LRRFIP1: variants seen among roughly 807,000 people sequenced by gnomAD.
The protein encoded by LRRFIP1 is leucine-rich repeat flightless-interacting protein 1.
In LRRFIP1, 62 loss-of-function variants were observed where a neutral mutation model predicts 104.4. The ratio of observed to expected loss-of-function variants is 0.59; its 90% confidence interval spans 0.48 to 0.73. LRRFIP1 has a LOEUF of 0.73. Ranked by LOEUF, LRRFIP1 falls within the 30% of genes least tolerant of loss-of-function variation. The pLI, the probability that LRRFIP1 is intolerant of heterozygous loss-of-function variation, is 0.00. For synonymous variants in LRRFIP1, 300 were observed against 299.0 expected (o/e 1.00, Z -0.03); for missense variants, 796 against 824.5 (o/e 0.97, Z 0.42).
intron 1 of LRRFIP1, among the ~76,000 whole-genome samples, chr2:237,708,238 A>G (rs1188853008): frequency 1.3e-5 from 2 of 152,174 alleles, no homozygotes; most frequent in African/African-American, 4.8e-5. Flanking sequence ...TCGTTCCCTC[A>G]TATTTAAACT....
chr2:237,666,585 C>G (rs2089291476), intron 1 of LRRFIP1, among the ~76,000 whole-genome samples: 1 of 143,344 alleles, frequency 7.0e-6, no homozygotes, highest in Non-Finnish European at 1.6e-5. Flanking sequence ...TCATCTCTTC[C>G]TGGAGACAGG....
Position 237,703,311 on chromosome 2 carries a change from C to G in LRRFIP1, c.97-5233C>G, listed in dbSNP as rs1023940928. Among the ~76,000 whole-genome samples, 4 of 152,188 alleles carry G rather than the reference C, an allele frequency of 2.6e-5. No homozygotes were observed. Among genetic ancestry groups the G allele is most frequent in the African/African-American group, 4.8e-5 (2 of 41,434 alleles). On this transcript the variant is annotated intron_variant, in intron 1 of 23. Coordinates refer to ENST00000308482, the MANE Select transcript of LRRFIP1 (RefSeq NM_001137550.2). This position sits in a 1 kb window ranked among gnomAD's most constrained non-coding sequence, Gnocchi z 4.3. ...TTGATCCGCTGCAGCCCAGCCCGTT[C>G]CTGTCCCCATGCTGGAAGCAGCCTG... is the stretch of plus-strand genomic sequence containing the variant.
chr2:237,639,013 C>T (rs1480463844), intron 1 of LRRFIP1, among the ~76,000 whole-genome samples: 3 of 152,060 alleles, frequency 2.0e-5, no homozygotes, highest in Admixed American at 6.6e-5. Flanking sequence ...TTTTTTTATC[C>T]GAGAAAGAGG....
chr2:237,733,836 C>T lies in LRRFIP1; in HGVS notation c.489+18C>T, dbSNP rs2095125239. 1 of 1,613,764 alleles carries T rather than the reference C, an allele frequency of 6.2e-7. No homozygotes were observed. The highest frequency in any genetic ancestry group is 8.5e-7 in the Non-Finnish European group (1 of 1,179,696). ...GTTACCGGGTGCGTGTGCTGCCCACCCTGCTGCCCCGCACCCCCTCCCACT... is the reference window on the plus strand; with the variant it reads ...GTTACCGGGTGCGTGTGCTGCCCACTCTGCTGCCCCGCACCCCCTCCCACT... On this transcript the variant is annotated intron_variant, in intron 9 of 23. Transcript: ENST00000308482.
rs754666682 is a variant in LRRFIP1 at position 237,749,218 on chromosome 2, G to C, written c.689G>C (p.Gly230Ala). The C allele has an allele frequency of 9.5e-5, 154 of 1,613,358 alleles. No individual in the cohort carries two copies. Among genetic ancestry groups the C allele is most frequent in the Non-Finnish European group, 1.2e-4 (146 of 1,179,958 alleles). ...FTEKGSRNMP[G>A]LSAATLASLG... ...TTCCAGGGGTCTCGTAACATGCCGGGCCTGTCTGCAGCCACGCTGGCCTCT... is the reference window on the plus strand; with the variant it reads ...TTCCAGGGGTCTCGTAACATGCCGGCCCTGTCTGCAGCCACGCTGGCCTCT... The change falls in exon 13 of 24, where the codon GGC becomes GCC. Residue 230 changes from glycine to alanine, a missense_variant. Gly to Ala is a moderately conservative substitution (Grantham distance 60). Transcript: ENST00000308482.
At chr2:237,665,452 G>C (rs868375278) in intron 1 of LRRFIP1, among the ~76,000 whole-genome samples, 4 of 152,168 alleles carry the variant, frequency 2.6e-5, no homozygotes, top group Middle Eastern at 3.2e-3. Flanking sequence ...CTTCACGTAA[G>C]AATGAGATGG....
intron 9 of LRRFIP1, 147 bp downstream of exon 9, chr2:237,733,965 A>ACAGAC: frequency 1.2e-6 from 1 of 811,972 alleles, no homozygotes; most frequent in Non-Finnish European, 2.0e-6. Flanking sequence ...GCCAGTGGGG[A>ACAGAC]ATGTCTGTCC....
chr2:237,649,089 C>T lies in LRRFIP1; in HGVS notation c.96+21349C>T, dbSNP rs1324731784. Among the ~76,000 whole-genome samples the T allele has an allele frequency of 6.6e-6, 1 of 151,816 alleles. No individual in the cohort carries two copies. The highest frequency in any genetic ancestry group is 1.5e-5 in the Non-Finnish European group (1 of 67,894). ...GCACGGAGGCTGCCCTGGGTCTTGG[C>T]CGGCCCCTGGAGCTGGAGGAGGTGC... On this transcript the variant is annotated intron_variant, in intron 1 of 23. Transcript: ENST00000308482. This position sits in a 1 kb window ranked among gnomAD's most constrained non-coding sequence, Gnocchi z 4.1.
At chr2:237,692,040 C>A (rs1344752002) in intron 1 of LRRFIP1, 22 of 295,518 alleles carry the variant, frequency 7.4e-5, no homozygotes, top group Admixed American at 4.4e-4. Context: ...GGCGGAGCGG[C>A]GCAGGGGGGC....
intron 3 of LRRFIP1, among the ~76,000 whole-genome samples, chr2:237,715,106 G>A (rs528316589): frequency 2.0e-5 from 3 of 152,178 alleles, no homozygotes; most frequent in South Asian, 2.1e-4. Context: ...CACAGGCCTC[G>A]GAATGCACGG....
chr2:237,738,874 G>A (rs917797614), intron 10 of LRRFIP1, among the ~76,000 whole-genome samples: 2 of 152,250 alleles, frequency 1.3e-5, no homozygotes, highest in South Asian at 2.1e-4. Context: ...CAGTTTCTGT[G>A]CCGGAAGGCA....
At position 237,708,545 on chromosome 2, in the gene LRRFIP1, C is replaced by A; in HGVS notation, c.98C>A (p.Ala33Glu). Reference protein sequence around the residue: ...DDALNQIAREAEARLAAKRAA... With the variant: ...DDALNQIAREEEARLAAKRAA... ...AATAAGATGCCCTGTCCGTTTCAGG[C>A]GGAAGCCCGGCTCGCTGCAAAACGG... Residue 33 changes from alanine (A) to glutamate (E), a missense_variant and splice_region_variant, in exon 2 of 24, where the codon GCG (alanine) becomes GAG (glutamate). Transcript: ENST00000308482. 2 of 1,569,072 alleles carry A rather than the reference C, an allele frequency of 1.3e-6. No homozygotes were observed. Among genetic ancestry groups the A allele is most frequent in the South Asian group, 1.2e-5 (1 of 83,076 alleles).
rs145774808 is a variant in LRRFIP1 at position 237,743,810 on chromosome 2, G to T, written c.633+4501G>T. Among the ~76,000 whole-genome samples, 467 of 152,174 alleles carry T rather than the reference G, an allele frequency of 3.1e-3. 4 individuals are homozygous for T. The highest frequency in any genetic ancestry group is 0.011 in the African/African-American group (446 of 41,510). ...GAGAGCTGGGATCCAGAGGTTTGAC[G>T]GCCAGAGCTTGGGCCACACCCAAGC... On this transcript the variant is annotated intron_variant, in intron 11 of 23. Transcript: ENST00000308482.
intron 1 of LRRFIP1, among the ~76,000 whole-genome samples, chr2:237,630,946 TAA>T (rs1272993115): frequency 2.0e-5 from 3 of 152,182 alleles, no homozygotes; most frequent in African/African-American, 7.2e-5. Flanking sequence ...ATCTCCCTGG[TAA>T]ACTTTCATGA....
chr2:237,757,907 C>T (rs1475282012), intron 17 of LRRFIP1, among the ~76,000 whole-genome samples: 2 of 151,594 alleles, frequency 1.3e-5, no homozygotes, highest in Non-Finnish European at 2.9e-5. Flanking sequence ...GATTATCTGC[C>T]TGGTGGTGCT....
At chr2:237,764,839 A>G (rs1194192958) in intron 19 of LRRFIP1, 3 of 985,752 alleles carry the variant, frequency 3.0e-6, no homozygotes, top group Non-Finnish European at 3.6e-6. Context: ...TTTGTAAGAG[A>G]TTTTAACTTC....
intron 1 of LRRFIP1, among the ~76,000 whole-genome samples, chr2:237,657,002 T>C (rs1414121528): frequency 6.6e-6 from 1 of 152,178 alleles, no homozygotes; most frequent in Non-Finnish European, 1.5e-5. Context: ...TTCATCAAAG[T>C]AAACTTACCC....
chr2:237,693,607 G>T (rs2092962923), intron 1 of LRRFIP1, among the ~76,000 whole-genome samples: 1 of 152,190 alleles, frequency 6.6e-6, no homozygotes, highest in Admixed American at 6.5e-5. Flanking sequence ...TGGGAAGAGA[G>T]ACCCTTGAAT....
At chr2:237,683,876 T>C (rs2092095315) in intron 1 of LRRFIP1, among the ~76,000 whole-genome samples, 1 of 152,212 alleles carries the variant, frequency 6.6e-6, no homozygotes, top group Non-Finnish European at 1.5e-5. Context: ...TTCGAATACA[T>C]CTTGAGTACC....
Sources: gnomAD v4.1 joint callset for allele counts (sites outside exome capture counted in the v4.1 genomes callset) on GRCh38, gnomAD v4.1.1 for gene constraint, Gnocchi (gnomAD v3.1) non-coding constraint, MANE v1.5 for transcripts, NCBI Gene and HGNC (gene_info 2026-07-23, HGNC 2026-07-21) for gene names.